Variants in LMAN2L observed in about 807,000 individuals in gnomAD.
LMAN2L encodes the protein lectin, mannose binding 2 like.
Under a neutral mutation model 44.3 loss-of-function variants are expected in LMAN2L, and 30 were observed. The observed-to-expected ratio is 0.68, with a 90% CI of 0.51 to 0.92. The LOEUF is 0.92. Among genes scored for constraint, LMAN2L ranks in the 40% least tolerant of loss-of-function variants. The pLI is 0.00. For synonymous variants in LMAN2L, 183 were observed against 171.1 expected (o/e 1.07, Z -0.54); for missense variants, 429 against 446.1 (o/e 0.96, Z 0.35).
At chr2:96,736,942 C>T (rs1408429550) in intron 2 of LMAN2L, among the ~76,000 whole-genome samples, 3 of 152,174 alleles carry the variant, frequency 2.0e-5, no homozygotes, top group Admixed American at 1.3e-4. Flanking sequence ...CCCTCCTGAA[C>T]AGGGAAAAGA....
At chr2:96,726,953 G>A (rs2078284611) in intron 4 of LMAN2L, among the ~76,000 whole-genome samples, 1 of 151,926 alleles carries the variant, frequency 6.6e-6, no homozygotes, top group African/African-American at 2.4e-5. Flanking sequence ...GTGTGGTGGT[G>A]CACGTCTGTA....
chr2:96,718,737 G>T (rs1440110826), intron 4 of LMAN2L, among the ~76,000 whole-genome samples: 2 of 152,176 alleles, frequency 1.3e-5, no homozygotes, highest in African/African-American at 4.8e-5. Context: ...AAAGTGAAAA[G>T]AAGATCAGTG....
Position 96,712,014 on chromosome 2 carries a change from G to C in LMAN2L, c.519C>G (p.Pro173=). 1 of 1,614,174 alleles carries C rather than the reference G, an allele frequency of 6.2e-7. No homozygotes were observed. The highest frequency in any genetic ancestry group is 8.5e-7 in the Non-Finnish European group (1 of 1,180,034). ...NEEKQQERVF[P]YISAMVNNGS... ...CGTTGTTCACCATGGCTGAGATGTA[G>C]GGGAATACCCGCTGGAAAGCAGAGA... The change falls in exon 5 of 8, where the codon CCC becomes CCG. Residue 173 remains proline (P), a synonymous_variant. Transcript: ENST00000264963.
intron 4 of LMAN2L, among the ~76,000 whole-genome samples, chr2:96,728,805 G>A (rs948132178): frequency 7.9e-5 from 12 of 151,886 alleles, no homozygotes; most frequent in Non-Finnish European, 1.5e-5. Context: ...CCAGGAGGCG[G>A]AGGTTGCAGT....
chr2:96,737,256 C>G (rs1034359581), intron 2 of LMAN2L: 8 of 419,758 alleles, frequency 1.9e-5, no homozygotes, highest in Admixed American at 6.4e-5. Context: ...AAATGACCAA[C>G]AGCTCAGAGT....
At chr2:96,726,244 A>G (rs1362239471) in intron 4 of LMAN2L, among the ~76,000 whole-genome samples, 3 of 151,556 alleles carry the variant, frequency 2.0e-5, no homozygotes, top group Non-Finnish European at 4.4e-5. Flanking sequence ...TGCTAAATTC[A>G]TTTAGTAGTT....
intron 4 of LMAN2L, among the ~76,000 whole-genome samples, chr2:96,717,533 GAAAA>G (rs763461930): frequency 1.8e-5 from 2 of 111,052 alleles, no homozygotes; most frequent in Non-Finnish European, 1.8e-5. Context: ...CCCTGTGTCG[GAAAA>G]AAAAAAAAAA....
chr2:96,715,713 C>T (rs572762669), intron 4 of LMAN2L, among the ~76,000 whole-genome samples: 9 of 152,318 alleles, frequency 5.9e-5, no homozygotes, highest in South Asian at 2.1e-4. Context: ...AAGACCTCTA[C>T]GGGATAACTG....
rs761481046 is a variant in LMAN2L, at chr2:96,707,611, CAGA to C, written c.904+100_904+102del. 2.4e-5 allele frequency: 35 copies of C among 1,431,042 alleles called. 1 individual carries two copies. In the East Asian group the frequency reaches 2.5e-4, roughly 10 times the overall value. 88.6% of individuals were successfully genotyped at this position (1,431,042 alleles called of 1,614,324 possible). On this transcript the variant is annotated intron_variant, in intron 7 of 7. Transcript: ENST00000264963. ...GCAGATGAAAGTGCTCCCTACCCTT[CAGA>C]AGAAGAACACAGAGCAGAGACCGCC...
At chr2:96,718,849 G>A (rs2078093902) in intron 4 of LMAN2L, among the ~76,000 whole-genome samples, 1 of 152,174 alleles carries the variant, frequency 6.6e-6, no homozygotes, top group Non-Finnish European at 1.5e-5. Context: ...AGGACTCACA[G>A]CTTCTCAACT....
At position 96,740,063 on chromosome 2, in the gene LMAN2L, T is replaced by C; in HGVS notation, c.-23A>G. The C allele has an allele frequency of 1.3e-6, 2 of 1,586,834 alleles. No homozygotes were observed. Among genetic ancestry groups the C allele is most frequent in the Non-Finnish European group, 1.7e-6 (2 of 1,167,280 alleles). The stretch of plus-strand genomic sequence containing the variant: ...CATCTTTCCCACCAACGACCCTTCA[T>C]CAAAAGCCCGCCCCGTCGCCCAACC... On this transcript the variant is annotated 5_prime_UTR_variant, in exon 1 of 8. It removes an upstream start codon present in the reference 5' UTR. Transcript: ENST00000264963.
intron 4 of LMAN2L, among the ~76,000 whole-genome samples, chr2:96,722,293 A>T (rs1190911760): frequency 6.6e-6 from 1 of 151,864 alleles, no homozygotes; most frequent in Non-Finnish European, 1.5e-5. Flanking sequence ...TATTATTATC[A>T]CGTTATAATA....
At position 96,726,276 on chromosome 2, in the gene LMAN2L, A is replaced by C. The variant is rs1212124813; in HGVS notation, c.507+7243T>G. Among the ~76,000 whole-genome samples, 2 of 150,484 alleles carry C rather than the reference A, an allele frequency of 1.3e-5. 1 individual carries two copies. The highest frequency in any genetic ancestry group is 3.9e-4 in the East Asian group (2 of 5,160). ...AGTTCTAATAGGTTTTTTTTTGTGG[A>C]TTCCTTAGGATTTTCCATATTCTGT... On this transcript the variant is annotated intron_variant, in intron 4 of 7. Coordinates refer to ENST00000264963, the MANE Select transcript of LMAN2L (RefSeq NM_030805.4).
intron 4 of LMAN2L, among the ~76,000 whole-genome samples, chr2:96,729,467 C>G (rs897405817): frequency 6.6e-6 from 1 of 151,878 alleles, no homozygotes; most frequent in Non-Finnish European, 1.5e-5. Flanking sequence ...ACCTGGCACA[C>G]AGCAGCCATC....
At chr2:96,728,505 C>CAAA (rs61588722) in intron 4 of LMAN2L, among the ~76,000 whole-genome samples, 19 of 87,790 alleles carry the variant, frequency 2.2e-4, no homozygotes, top group African/African-American at 5.1e-4. Flanking sequence ...GACTCCGTCT[C>CAAA]AAAAAAAAAA....
At chr2:96,721,306 G>A (rs964564323) in intron 4 of LMAN2L, among the ~76,000 whole-genome samples, 4 of 147,872 alleles carry the variant, frequency 2.7e-5, no homozygotes, top group Admixed American at 6.7e-5. Context: ...AGCACATATC[G>A]ATACTTAATT....
chr2:96,722,979 C>T (rs1254857898), intron 4 of LMAN2L, among the ~76,000 whole-genome samples: 1 of 151,720 alleles, frequency 6.6e-6, no homozygotes, highest in African/African-American at 2.4e-5. Flanking sequence ...GAGATCACGC[C>T]ACTGCACTTC....
chr2:96,737,994 A>G lies in LMAN2L; in HGVS notation c.261T>C (p.Leu87=). ...NAMVMTQYIR[L]TPDMQSKQGA... ...CCTGTTTACTTTGCATATCTGGGGTAAGGCGGATATACTGGGTCATCACCA... is the reference window on the plus strand; with the variant it reads ...CCTGTTTACTTTGCATATCTGGGGTGAGGCGGATATACTGGGTCATCACCA... The change falls in exon 2 of 8, where the codon CTT becomes CTC. Residue 87 remains leucine (L), a synonymous_variant. Transcript: ENST00000264963. 1 of 1,614,008 alleles carries G rather than the reference A, an allele frequency of 6.2e-7. No individual in the cohort carries two copies. Among genetic ancestry groups the G allele is most frequent in the Non-Finnish European group, 8.5e-7 (1 of 1,179,908 alleles).
intron 7 of LMAN2L, 91 bp downstream of exon 7, chr2:96,707,623 A>G (rs2077812817): frequency 6.7e-7 from 1 of 1,488,556 alleles, no homozygotes; most frequent in Non-Finnish European, 9.1e-7. Flanking sequence ...GAAGAAGAAC[A>G]CAGAGCAGAG....
Sources: gnomAD v4.1 joint callset for allele counts (sites outside exome capture counted in the v4.1 genomes callset) on GRCh38, gnomAD v4.1.1 for gene constraint, MANE v1.5 for transcripts, NCBI Gene and HGNC (gene_info 2026-07-23, HGNC 2026-07-21) for gene names.